Variants in NTM observed in about 807,000 individuals in gnomAD.
The protein encoded by NTM is IgLON family member 2.
In NTM, 13 loss-of-function variants were observed where a neutral mutation model predicts 42.1. That is an observed-to-expected ratio of 0.31 (90% confidence interval 0.20 to 0.49). The LOEUF (loss-of-function observed/expected upper bound fraction) is 0.49. Among genes scored for constraint, NTM ranks in the 20% least tolerant of loss-of-function variants. The pLI, the probability that NTM is intolerant of heterozygous loss-of-function variation, is 0.99. For missense variants in NTM, 373 were observed against 452.8 expected (o/e 0.82, Z 1.60); for synonymous variants, 187 against 179.2 (o/e 1.04, Z -0.35).
chr11:131,589,417 A>G (rs1453638146), intron 1 of NTM, among the ~76,000 whole-genome samples: 2 of 152,054 alleles, frequency 1.3e-5, no homozygotes, highest in African/African-American at 4.8e-5. Flanking sequence ...ATCCCCCTCA[A>G]TTAGTGCTGT....
chr11:131,903,464 G>T, intron 1 of NTM, among the ~76,000 whole-genome samples: 2 of 152,290 alleles, frequency 1.3e-5, no homozygotes, highest in Admixed American at 1.3e-4. Flanking sequence ...TTTCCTTAAA[G>T]AAACCCTTTA....
At chr11:131,467,018 G>A (rs900391041) in intron 1 of NTM, among the ~76,000 whole-genome samples, 4 of 152,174 alleles carry the variant, frequency 2.6e-5, no homozygotes. Context: ...CACCATACAG[G>A]CTCCCAATCC....
At chr11:132,178,178 AG>A (rs2077082485) in intron 3 of NTM, among the ~76,000 whole-genome samples, 1 of 152,236 alleles carries the variant, frequency 6.6e-6, no homozygotes. Context: ...CTGGCTCCGC[AG>A]GATCTCATCT....
At chr11:131,722,109 A>G (rs192309942) in intron 1 of NTM, among the ~76,000 whole-genome samples, 1 of 152,262 alleles carries the variant, frequency 6.6e-6, no homozygotes, top group African/African-American at 2.4e-5. Context: ...AACAAACACA[A>G]TGCTTGGCAT....
In NTM at chr11:131,885,833, C is replaced by A. The variant is rs868045746; in HGVS notation, c.83-25731C>A. 1.7e-4 allele frequency among the ~76,000 whole-genome samples: 26 copies of A among 152,304 alleles called. No individual in the cohort carries two copies. In the Middle Eastern group the frequency reaches 0.01, roughly 60 times the overall value. On this transcript the variant is annotated intron_variant, in intron 1 of 8. Coordinates refer to ENST00000683400, the MANE Select transcript of NTM (RefSeq NM_001352005.2). ...AGTGCAAGTGTGAGCAGACTTTCTG[C>A]TTAGGAAGGCTGCACATGGTGGCCA...
chr11:131,711,360 G>T (rs1181773342), intron 1 of NTM, among the ~76,000 whole-genome samples: 2 of 152,152 alleles, frequency 1.3e-5, no homozygotes, highest in African/African-American at 4.8e-5. Context: ...CATTTATGCA[G>T]CCAAAAAACA....
At chr11:131,985,817 A>G (rs1593418893) in intron 2 of NTM, among the ~76,000 whole-genome samples, 1 of 152,174 alleles carries the variant, frequency 6.6e-6, no homozygotes, top group African/African-American at 2.4e-5. Context: ...GTGAGCAGCA[A>G]CCAATCTCTC....
In NTM at chr11:132,336,521, C is replaced by G. The variant is rs968787824; in HGVS notation, c.*1375C>G. On this transcript the variant is annotated 3_prime_UTR_variant, in exon 9 of 9. Coordinates refer to ENST00000683400, the MANE Select transcript of NTM (RefSeq NM_001352005.2). ...AACAGACAGCAAGCAGCTGAACAAG[C>G]AGTACCGTCAGTACCCACTTGCTTT... 6.5e-6 allele frequency: 1 copy of G among 152,678 alleles called. No individual in the cohort carries two copies. The highest frequency in any genetic ancestry group is 2.4e-5 in the African/African-American group (1 of 41,472). The allele number at this position is 152,678 out of a possible 1,614,324, so 9.5% of individuals were successfully genotyped here. A position where few individuals can be genotyped will look rare whatever the true frequency, so the allele number is the denominator to read the frequency against.
chr11:131,911,873 C>G (rs1297954929), intron 2 of NTM, among the ~76,000 whole-genome samples: 1 of 152,124 alleles, frequency 6.6e-6, no homozygotes, highest in Non-Finnish European at 1.5e-5. Context: ...AAACTGGCCT[C>G]TGCGGCTCAG....
chr11:131,402,119 A>G (rs897023302), intron 1 of NTM, among the ~76,000 whole-genome samples: 15 of 151,696 alleles, frequency 9.9e-5, no homozygotes, highest in African/African-American at 3.6e-4. Flanking sequence ...TCATTGACCT[A>G]TATGGGTGGG....
At chr11:132,114,255 C>A (rs1235237004) in intron 2 of NTM, among the ~76,000 whole-genome samples, 2 of 152,198 alleles carry the variant, frequency 1.3e-5, no homozygotes, top group Admixed American at 1.3e-4. Flanking sequence ...TGTATCAAGG[C>A]AGTTGGCTTC....
intron 1 of NTM, among the ~76,000 whole-genome samples, chr11:131,389,024 A>AAAAGAAAAAAG (rs1555097642): frequency 1.1e-5 from 1 of 89,906 alleles, no homozygotes; most frequent in African/African-American, 4.6e-5. Context: ...AAAAAAAAAA[A>AAAAGAAAAAAG]AAAAGAAAAG....
At chr11:131,567,296 G>T (rs2056991213) in intron 1 of NTM, among the ~76,000 whole-genome samples, 1 of 152,070 alleles carries the variant, frequency 6.6e-6, no homozygotes, top group Non-Finnish European at 1.5e-5. Flanking sequence ...AGACCAGCCT[G>T]GCCAACATGG....
At chr11:131,778,432 AAAGTCC>A (rs2087454538) in intron 1 of NTM, among the ~76,000 whole-genome samples, 1 of 152,252 alleles carries the variant, frequency 6.6e-6, no homozygotes, top group Non-Finnish European at 1.5e-5. Flanking sequence ...ATTTCAAAGT[AAAGTCC>A]CTTTTCACAT....
At chr11:131,630,801 GTT>G (rs1377759130) in intron 1 of NTM, among the ~76,000 whole-genome samples, 4 of 152,102 alleles carry the variant, frequency 2.6e-5, no homozygotes, top group Admixed American at 2.6e-4. Flanking sequence ...TTATTGAATA[GTT>G]TTCTCTCCTT....
chr11:132,258,019 C>T (rs2092612522), intron 4 of NTM, among the ~76,000 whole-genome samples: 1 of 152,212 alleles, frequency 6.6e-6, no homozygotes, highest in African/African-American at 2.4e-5. Flanking sequence ...ACAGCAAGAA[C>T]ACATGGACAG....
chr11:132,274,412 A>C (rs1426946868), intron 4 of NTM, among the ~76,000 whole-genome samples: 1 of 151,750 alleles, frequency 6.6e-6, no homozygotes, highest in Non-Finnish European at 1.5e-5. Flanking sequence ...GGTTTTTGTT[A>C]TTTTTTAAAG....
At chr11:131,870,833 G>A (rs919199186) in intron 1 of NTM, among the ~76,000 whole-genome samples, 5 of 151,866 alleles carry the variant, frequency 3.3e-5, no homozygotes, top group South Asian at 2.1e-4. Flanking sequence ...GCTTATCTTC[G>A]GTCTCCCCAC....
chr11:132,325,492 G>A (rs909700793), intron 7 of NTM, among the ~76,000 whole-genome samples: 21 of 152,232 alleles, frequency 1.4e-4, no homozygotes, highest in African/African-American at 5.1e-4. Context: ...AGTTAGAATG[G>A]CAATCATTAA....
Sources: gnomAD v4.1 joint callset for allele counts (sites outside exome capture counted in the v4.1 genomes callset) on GRCh38, gnomAD v4.1.1 for gene constraint, MANE v1.5 for transcripts, NCBI Gene and HGNC (gene_info 2026-07-23, HGNC 2026-07-21) for gene names.